The following HS6ST3 variants were observed in gnomAD, a reference collection of about 807,000 sequenced individuals.
HS6ST3 encodes heparan sulfate 6-O-sulfotransferase 3, also known as heparan-sulfate 6-O-sulfotransferase 3.
A neutral mutation model predicts 36.7 loss-of-function variants in HS6ST3; 12 were observed. The ratio of observed to expected loss-of-function variants is 0.33; its 90% CI spans 0.21 to 0.53. The LOEUF (loss-of-function observed/expected upper bound fraction) is 0.53. HS6ST3 is among the 20% of genes least tolerant of loss of function. The probability of loss-of-function intolerance (pLI) is 0.95; values close to 1 mark genes in which losing one functional copy is unlikely to be tolerated. For synonymous variants in HS6ST3, 240 were observed against 257.5 expected, an observed-to-expected ratio of 0.93 and a Z score of 0.65; for missense variants, 584 against 640.9, an observed-to-expected ratio of 0.91 and a Z score of 0.96.
chr13:96,795,250 A>G (rs1288101746), intron 1 of HS6ST3, among the ~76,000 whole-genome samples: 1 of 152,022 alleles, frequency 6.6e-6, no homozygotes, highest in Non-Finnish European at 1.5e-5. Context: ...CAGTCTTATT[A>G]TCACAATACT....
At chr13:96,404,520 A>T (rs572256720) in intron 1 of HS6ST3, among the ~76,000 whole-genome samples, 1 of 152,284 alleles carries the variant, frequency 6.6e-6, no homozygotes, top group Non-Finnish European at 1.5e-5. Flanking sequence ...GTGATGAAGG[A>T]TTAGGGAAAA....
chr13:96,453,200 A>G (rs2055737574), intron 1 of HS6ST3, among the ~76,000 whole-genome samples: 1 of 152,018 alleles, frequency 6.6e-6, no homozygotes, highest in African/African-American at 2.4e-5. Context: ...AAAAAAAGAA[A>G]AAAAGATTTA....
intron 1 of HS6ST3, among the ~76,000 whole-genome samples, chr13:96,298,508 C>T (rs982512406): frequency 2.0e-5 from 3 of 152,106 alleles, no homozygotes; most frequent in Non-Finnish European, 4.4e-5. Context: ...GATCAGACAC[C>T]CGGGTTTGTA....
chr13:96,212,751 C>T (rs78644420), intron 1 of HS6ST3, among the ~76,000 whole-genome samples: 1,521 of 152,062 alleles, frequency 0.01, 25 homozygotes, highest in African/African-American at 0.035. Context: ...ATTTGGGGAG[C>T]GGGAAGACTA....
At position 96,099,578 on chromosome 13, in the gene HS6ST3, G is replaced by T. The variant is rs554183191; in HGVS notation, c.707+8009G>T. On this transcript the variant is annotated intron_variant, in intron 1 of 1. Coordinates refer to ENST00000376705, the MANE Select transcript of HS6ST3 (RefSeq NM_153456.4). ...TGCAGTGAAATTGAATTAGTTGCCT[G>T]TGGGCACGTAAATATTTGTAGTTCA... is the stretch of plus-strand genomic sequence containing the variant. Among the ~76,000 whole-genome samples the T allele has an allele frequency of 8.5e-5, 13 of 152,302 alleles. No individual in the cohort carries two copies. In the East Asian group the frequency reaches 2.5e-3, roughly 29 times the overall value.
chr13:96,495,914 A>C (rs1050131381), intron 1 of HS6ST3, among the ~76,000 whole-genome samples: 3 of 152,226 alleles, frequency 2.0e-5, no homozygotes, highest in African/African-American at 7.2e-5. Flanking sequence ...CCTCTTCAGC[A>C]TAAGGCCCCC....
intron 1 of HS6ST3, among the ~76,000 whole-genome samples, chr13:96,523,059 G>A (rs982818604): frequency 6.6e-6 from 1 of 152,074 alleles, no homozygotes; most frequent in Non-Finnish European, 1.5e-5. Flanking sequence ...CAGGCCTGGT[G>A]GTGACAAAAT....
intron 1 of HS6ST3, among the ~76,000 whole-genome samples, chr13:96,384,747 C>T (rs761243637): frequency 6.6e-6 from 1 of 152,144 alleles, no homozygotes; most frequent in Non-Finnish European, 1.5e-5. Flanking sequence ...CTTTACTTAC[C>T]AAACCTATGG....
intron 1 of HS6ST3, among the ~76,000 whole-genome samples, chr13:96,275,438 T>C (rs2054743175): frequency 6.6e-6 from 1 of 152,168 alleles, no homozygotes; most frequent in African/African-American, 2.4e-5. Context: ...CCAATAATTA[T>C]TTGGGGAATT....
intron 1 of HS6ST3, among the ~76,000 whole-genome samples, chr13:96,584,091 T>A (rs2056352251): frequency 6.6e-6 from 1 of 152,182 alleles, no homozygotes; most frequent in Non-Finnish European, 1.5e-5. Context: ...CTTATGACTA[T>A]CTGCATTCAT....
intron 1 of HS6ST3, among the ~76,000 whole-genome samples, chr13:96,604,775 T>C (rs565981998): frequency 6.6e-6 from 1 of 152,356 alleles, no homozygotes; most frequent in African/African-American, 2.4e-5. Context: ...AGTGTATTTT[T>C]ACTTTGTTTC....
In HS6ST3 at chr13:96,838,365, G is replaced by A. The variant is rs930594337; in HGVS notation, c.*5167G>A. On this transcript the variant is annotated 3_prime_UTR_variant, in exon 2 of 2. Coordinates refer to ENST00000376705, the MANE Select transcript of HS6ST3 (RefSeq NM_153456.4). The stretch of plus-strand genomic sequence containing the variant: ...GGAATGGTTGTAGGGACTGAAAGCT[G>A]AGTTGGAAGGATCAGATCAAAGAGA... 6.6e-5 allele frequency: 10 copies of A among 152,190 alleles called. No individual in the cohort carries two copies. The highest frequency in any genetic ancestry group is 2.2e-4 in the African/African-American group (9 of 41,438). 9.4% of individuals were successfully genotyped at this position (152,190 alleles called of 1,614,324 possible).
At chr13:96,732,380 T>C (rs1333768382) in intron 1 of HS6ST3, among the ~76,000 whole-genome samples, 1 of 152,224 alleles carries the variant, frequency 6.6e-6, no homozygotes, top group Non-Finnish European at 1.5e-5. Flanking sequence ...CCAAATTTAT[T>C]ATTCTGCATG....
chr13:96,255,626 C>G (rs1306825371), intron 1 of HS6ST3, among the ~76,000 whole-genome samples: 1 of 152,110 alleles, frequency 6.6e-6, no homozygotes, highest in African/African-American at 2.4e-5. Flanking sequence ...TTAGGAGATT[C>G]AGCAGGCAAT....
At chr13:96,568,155 A>G (rs1402584567) in intron 1 of HS6ST3, among the ~76,000 whole-genome samples, 2 of 152,226 alleles carry the variant, frequency 1.3e-5, no homozygotes, top group Non-Finnish European at 2.9e-5. Flanking sequence ...CTCAGTAGAG[A>G]TGTACATGGG....
At chr13:96,783,085 G>A (rs1014955509) in intron 1 of HS6ST3, among the ~76,000 whole-genome samples, 1 of 152,146 alleles carries the variant, frequency 6.6e-6, no homozygotes, top group Non-Finnish European at 1.5e-5. Flanking sequence ...TTTGTTCAAG[G>A]AACAAAGAGT....
chr13:96,430,564 G>A (rs2055610203), intron 1 of HS6ST3, among the ~76,000 whole-genome samples: 1 of 152,136 alleles, frequency 6.6e-6, no homozygotes, highest in South Asian at 2.1e-4. Context: ...GTTGGCCCCT[G>A]GGTTCCTGTT....
intron 1 of HS6ST3, among the ~76,000 whole-genome samples, chr13:96,759,399 T>A (rs1050156552): frequency 6.6e-6 from 1 of 151,864 alleles, no homozygotes; most frequent in Non-Finnish European, 1.5e-5. Flanking sequence ...AGAACATTTT[T>A]AAAATTTTAG....
At chr13:96,704,702 C>T (rs540390683) in intron 1 of HS6ST3, among the ~76,000 whole-genome samples, 14 of 152,050 alleles carry the variant, frequency 9.2e-5, no homozygotes, top group Non-Finnish European at 1.8e-4. Context: ...GGGATGAAAA[C>T]TATAAAAACT....
Sources: gnomAD v4.1 joint callset for allele counts (sites outside exome capture counted in the v4.1 genomes callset) on GRCh38, gnomAD v4.1.1 for gene constraint, MANE v1.5 for transcripts, NCBI Gene and HGNC (gene_info 2026-07-23, HGNC 2026-07-21) for gene names.